Variants in SGPL1 observed in about 807,000 individuals in gnomAD.
SGPL1 encodes the protein sphingosine-1-phosphate lyase 1.
SGPL1 carries 37 observed loss-of-function variants against 68.9 expected under a neutral mutation model. The ratio of observed to expected loss-of-function variants is 0.54; its 90% CI spans 0.41 to 0.71. The LOEUF (loss-of-function observed/expected upper bound fraction) is 0.71. SGPL1 is among the 30% of genes least tolerant of loss of function. The probability of loss-of-function intolerance (pLI) is 0.00; values close to 1 mark genes in which losing one functional copy is unlikely to be tolerated. For missense variants in SGPL1, 551 were observed against 704.6 expected, an observed-to-expected ratio of 0.78 and a Z score of 2.47; for synonymous variants, 236 against 248.5, an observed-to-expected ratio of 0.95 and a Z score of 0.47.
intron 2 of SGPL1, among the ~76,000 whole-genome samples, chr10:70,833,178 A>G (rs752266852): frequency 2.6e-5 from 4 of 152,186 alleles, no homozygotes; most frequent in Non-Finnish European, 5.9e-5. Flanking sequence ...AGGGATGGAA[A>G]GATGCTTTGC....
chr10:70,852,727 T>TGC (rs1554837914), intron 4 of SGPL1, among the ~76,000 whole-genome samples: 1,106 of 109,594 alleles, frequency 0.01, 9 homozygotes, highest in Non-Finnish European at 0.01. Context: ...TGTGTGTGTG[T>TGC]GCGCGCGCAC....
At chr10:70,857,058 C>G (rs1218533106) in intron 5 of SGPL1, 1 of 154,642 alleles carries the variant, frequency 6.5e-6, no homozygotes, top group Non-Finnish European at 1.4e-5. Context: ...CCAGGCTTGG[C>G]TTAAGGGAGC....
At chr10:70,851,323 C>A in intron 4 of SGPL1, 113 bp downstream of exon 4, 1 of 880,904 alleles carries the variant, frequency 1.1e-6, no homozygotes, top group African/African-American at 1.7e-5. Flanking sequence ...TCTCTTACCT[C>A]CAGGGGACAC....
chr10:70,871,703 C>A, intron 10 of SGPL1, 134 bp from the exon 11 acceptor site: 9 of 730,102 alleles, frequency 1.2e-5, no homozygotes, highest in South Asian at 9.5e-5. Flanking sequence ...TAAAAATAGC[C>A]ATTTTTTAAA....
intron 5 of SGPL1, 134 bp downstream of exon 5, chr10:70,854,989 C>T (rs965884498): frequency 1.1e-5 from 8 of 696,032 alleles, no homozygotes; most frequent in African/African-American, 1.1e-4. Flanking sequence ...CTCTGTTTCA[C>T]AGGTTGAATT....
intron 7 of SGPL1, among the ~76,000 whole-genome samples, chr10:70,868,119 T>C (rs1452601514): frequency 2.0e-5 from 3 of 152,246 alleles, no homozygotes; most frequent in Non-Finnish European, 4.4e-5. Flanking sequence ...GTCTAGGCAG[T>C]GCTGAGTTTC....
chr10:70,823,563 GAAA>G (rs139852875), intron 2 of SGPL1, among the ~76,000 whole-genome samples: 407 of 83,476 alleles, frequency 4.9e-3, no homozygotes, highest in African/African-American at 0.017. Context: ...ACTTTATATT[GAAA>G]AAAAAAAAAA....
chr10:70,828,162 A>G (rs913769157), intron 2 of SGPL1, among the ~76,000 whole-genome samples: 2 of 152,182 alleles, frequency 1.3e-5, no homozygotes, highest in Non-Finnish European at 2.9e-5. Flanking sequence ...ACAGATTTCC[A>G]AAGTGGTTGT....
chr10:70,863,262 C>T (rs749182966), intron 7 of SGPL1, among the ~76,000 whole-genome samples: 1 of 147,434 alleles, frequency 6.8e-6, no homozygotes, highest in Admixed American at 6.7e-5. Context: ...GCTGGGATTA[C>T]AGGCGTAAGC....
chr10:70,831,900 G>GT (rs1022408810), intron 2 of SGPL1, among the ~76,000 whole-genome samples: 10 of 152,128 alleles, frequency 6.6e-5, no homozygotes, highest in Non-Finnish European at 1.3e-4. Flanking sequence ...AGGAATGAGG[G>GT]TTTTTTGGCC....
intron 2 of SGPL1, among the ~76,000 whole-genome samples, chr10:70,837,158 A>G (rs1051430739): frequency 7.9e-5 from 12 of 151,472 alleles, no homozygotes; most frequent in African/African-American, 2.9e-4. Flanking sequence ...GCTCACTGCA[A>G]CCCCCGCCTC....
intron 2 of SGPL1, among the ~76,000 whole-genome samples, chr10:70,834,022 C>T (rs1845586566): frequency 6.6e-6 from 1 of 152,138 alleles, no homozygotes; most frequent in South Asian, 2.1e-4. Context: ...TTTAACACTT[C>T]CCAGGAAAGC....
chr10:70,833,486 A>G (rs1845577403), intron 2 of SGPL1, among the ~76,000 whole-genome samples: 1 of 152,172 alleles, frequency 6.6e-6, no homozygotes, highest in African/African-American at 2.4e-5. Context: ...TTAATGACCC[A>G]AGAGGATTTT....
chr10:70,838,014 C>G (rs1845653919), intron 2 of SGPL1, among the ~76,000 whole-genome samples: 1 of 152,196 alleles, frequency 6.6e-6, no homozygotes, highest in African/African-American at 2.4e-5. Flanking sequence ...GCAGAACCCT[C>G]CTGATCTAAA....
intron 2 of SGPL1, among the ~76,000 whole-genome samples, chr10:70,829,565 C>T (rs1271312762): frequency 6.6e-6 from 1 of 152,000 alleles, no homozygotes; most frequent in Non-Finnish European, 1.5e-5. Context: ...TGTGAGTGGA[C>T]GATGGTATCT....
chr10:70,858,339 T>TGGG (rs1845997422), intron 6 of SGPL1, among the ~76,000 whole-genome samples: 2 of 152,116 alleles, frequency 1.3e-5, no homozygotes, highest in Admixed American at 6.6e-5. Flanking sequence ...GGTCTCACTC[T>TGGG]GTTGCCCAGG....
chr10:70,854,647 A>T, intron 4 of SGPL1, 61 bp from the exon 5 acceptor site: 1 of 1,461,906 alleles, frequency 6.8e-7, no homozygotes, highest in South Asian at 1.3e-5. Context: ...CTGTCATAAT[A>T]ATTCTGCTGT....
chr10:70,871,585 G>A (rs1022773094), intron 10 of SGPL1, among the ~76,000 whole-genome samples: 18 of 152,032 alleles, frequency 1.2e-4, no homozygotes, highest in South Asian at 4.2e-4. Flanking sequence ...GCTTGATACC[G>A]CAGAGCGTTT....
At chr10:70,849,984 A>G (rs1223189695) in intron 3 of SGPL1, among the ~76,000 whole-genome samples, 1 of 152,192 alleles carries the variant, frequency 6.6e-6, no homozygotes, top group Non-Finnish European at 1.5e-5. Context: ...TAGATGGTAT[A>G]TAATGCCTTC....
Sources: gnomAD v4.1 joint callset for allele counts (sites outside exome capture counted in the v4.1 genomes callset) on GRCh38, gnomAD v4.1.1 for gene constraint, MANE v1.5 for transcripts, NCBI Gene and HGNC (gene_info 2026-07-23, HGNC 2026-07-21) for gene names.